The following ASIC2 variants were observed in gnomAD, a reference collection of about 807,000 sequenced individuals.
ASIC2 encodes acid-sensing ion channel 2.
In ASIC2, 25 loss-of-function variants were observed where a neutral mutation model predicts 57.3. The ratio of observed to expected loss-of-function variants is 0.44; its 90% CI spans 0.32 to 0.61. The LOEUF (loss-of-function observed/expected upper bound fraction) is 0.61, where lower values mean the gene tolerates loss of function less well. Ranked by LOEUF, ASIC2 falls within the 20% of genes least tolerant of loss-of-function variation. The pLI, the probability that ASIC2 is intolerant of heterozygous loss-of-function variation, is 0.06. For synonymous variants in ASIC2, 319 were observed against 307.5 expected (o/e 1.04, Z -0.39); for missense variants, 641 against 738.1 (o/e 0.87, Z 1.52).
At chr17:33,310,136 G>A (rs1024801913) in intron 1 of ASIC2, among the ~76,000 whole-genome samples, 1 of 151,652 alleles carries the variant, frequency 6.6e-6, no homozygotes, top group Non-Finnish European at 1.5e-5. Context: ...GTGTTTTGAT[G>A]TCTCTATGCT....
chr17:33,131,189 G>A lies in ASIC2; in HGVS notation c.709-19122C>T, dbSNP rs559885962. ...TAGGACTTGAAGACCTGCTTCAAAC[G>A]CCAGCTACCACTGGAGGCTCATATT... On this transcript the variant is annotated intron_variant, in intron 1 of 9. Coordinates refer to ENST00000225823, the MANE Select transcript of ASIC2 (RefSeq NM_183377.2). Among the ~76,000 whole-genome samples the A allele has an allele frequency of 2.6e-3, 400 of 152,284 alleles. 2 individuals are homozygous for A. The highest frequency in any genetic ancestry group is 9.1e-3 in the African/African-American group (378 of 41,558).
chr17:33,342,644 G>A (rs532933385), intron 1 of ASIC2, among the ~76,000 whole-genome samples: 5 of 152,188 alleles, frequency 3.3e-5, no homozygotes, highest in African/African-American at 1.2e-4. Context: ...TCTCAATCCA[G>A]TCTGCTTAGC....
At chr17:33,880,660 C>A (rs926306271) in intron 1 of ASIC2, among the ~76,000 whole-genome samples, 8 of 152,162 alleles carry the variant, frequency 5.3e-5, no homozygotes, top group Non-Finnish European at 1.0e-4. Context: ...GGATTCACAG[C>A]CGAATTCTAC....
chr17:33,443,574 C>A (rs911828310), intron 1 of ASIC2, among the ~76,000 whole-genome samples: 1 of 69,144 alleles, frequency 1.4e-5, no homozygotes, highest in African/African-American at 4.0e-5. Flanking sequence ...CCACTACGCC[C>A]GGCTAATTTT....
At chr17:33,722,909 A>AATATT (rs1909431743) in intron 1 of ASIC2, among the ~76,000 whole-genome samples, 1 of 152,254 alleles carries the variant, frequency 6.6e-6, no homozygotes, top group Admixed American at 6.5e-5. Context: ...ATGGTTAAAA[A>AATATT]GGCTGAAAAA....
intron 1 of ASIC2, among the ~76,000 whole-genome samples, chr17:33,375,731 C>T (rs1444444051): frequency 6.6e-6 from 1 of 152,052 alleles, no homozygotes; most frequent in Non-Finnish European, 1.5e-5. Flanking sequence ...TAGTCAAAGT[C>T]TGGAAATATT....
chr17:34,065,617 GGTT>G (rs751830714), intron 1 of ASIC2, among the ~76,000 whole-genome samples: 9 of 152,210 alleles, frequency 5.9e-5, no homozygotes, highest in Middle Eastern at 3.4e-3. Context: ...ACCGCTGAGG[GGTT>G]GTTATTACAG....
intron 1 of ASIC2, among the ~76,000 whole-genome samples, chr17:33,610,155 C>T (rs1354523426): frequency 6.6e-6 from 1 of 152,102 alleles, no homozygotes; most frequent in Non-Finnish European, 1.5e-5. Flanking sequence ...TTCTTTCTCC[C>T]TATTTTGCCT....
At chr17:33,722,192 C>A (rs78089116) in intron 1 of ASIC2, among the ~76,000 whole-genome samples, 1 of 152,084 alleles carries the variant, frequency 6.6e-6, no homozygotes, top group Admixed American at 6.5e-5. Flanking sequence ...ATAAGTGTCA[C>A]GAGATCTCAT....
chr17:33,264,951 A>G (rs1039537432), intron 1 of ASIC2, among the ~76,000 whole-genome samples: 3 of 152,258 alleles, frequency 2.0e-5, no homozygotes, highest in Non-Finnish European at 4.4e-5. Context: ...GCCTAGCATC[A>G]GCCTAGCTAA....
chr17:33,043,714 A>C (rs544723048), intron 3 of ASIC2, among the ~76,000 whole-genome samples: 2 of 152,352 alleles, frequency 1.3e-5, no homozygotes, highest in Admixed American at 6.5e-5. Context: ...TGTGCTCAGC[A>C]TGACTTCCCC....
intron 2 of ASIC2, among the ~76,000 whole-genome samples, chr17:33,099,153 C>T (rs974996627): frequency 5.3e-5 from 8 of 151,704 alleles, no homozygotes; most frequent in African/African-American, 9.7e-5. Context: ...CCACCATGCC[C>T]GGCTAGGTTT....
chr17:33,170,713 T>C (rs973508922), intron 1 of ASIC2, among the ~76,000 whole-genome samples: 1 of 152,174 alleles, frequency 6.6e-6, no homozygotes, highest in African/African-American at 2.4e-5. Flanking sequence ...ACTTCTTTCA[T>C]CAAGGGCTTC....
chr17:33,361,793 C>A (rs1401434400), intron 1 of ASIC2, among the ~76,000 whole-genome samples: 5 of 152,182 alleles, frequency 3.3e-5, no homozygotes, highest in African/African-American at 1.2e-4. Context: ...CAAAGTAAGA[C>A]ATATGGAACA....
At chr17:33,753,866 T>A (rs1910508743) in intron 1 of ASIC2, among the ~76,000 whole-genome samples, 1 of 152,136 alleles carries the variant, frequency 6.6e-6, no homozygotes, top group African/African-American at 2.4e-5. Context: ...CAGGCCATAT[T>A]TAGGTCACTT....
chr17:33,560,624 T>C (rs1250688400), intron 1 of ASIC2, among the ~76,000 whole-genome samples: 1 of 152,114 alleles, frequency 6.6e-6, no homozygotes, highest in African/African-American at 2.4e-5. Flanking sequence ...TTCTCCAAAA[T>C]ATAGTTTCAA....
At chr17:33,954,142 G>T (rs1434197917) in intron 1 of ASIC2, among the ~76,000 whole-genome samples, 1 of 152,204 alleles carries the variant, frequency 6.6e-6, no homozygotes, top group Non-Finnish European at 1.5e-5. Context: ...AATGAGACAG[G>T]TTGGAACCCC....
chr17:33,725,653 C>G (rs896602366), intron 1 of ASIC2, among the ~76,000 whole-genome samples: 1 of 152,042 alleles, frequency 6.6e-6, no homozygotes, highest in Admixed American at 6.5e-5. Flanking sequence ...CTACATTCTT[C>G]TCTCTTCTTA....
chr17:33,251,617 C>T (rs912112287), intron 1 of ASIC2, among the ~76,000 whole-genome samples: 2 of 152,192 alleles, frequency 1.3e-5, no homozygotes, highest in Admixed American at 6.5e-5. Flanking sequence ...CATGAGCCAC[C>T]ACACTGGCCT....
Sources: allele counts gnomAD v4.1 joint callset (sites outside exome capture counted in the v4.1 genomes callset), GRCh38; gene constraint gnomAD v4.1.1; transcripts MANE v1.5; gene names NCBI Gene and HGNC (gene_info 2026-07-23, HGNC 2026-07-21).